COP1: variants seen among roughly 807,000 people sequenced by gnomAD.
The protein encoded by COP1 is COP1 E3 ubiquitin ligase.
In COP1, 24 loss-of-function variants were observed where a neutral mutation model predicts 101.3. That is an observed-to-expected ratio of 0.24 (90% CI 0.17 to 0.33). The LOEUF is 0.33. Among genes scored for constraint, COP1 ranks in the 10% least tolerant of loss-of-function variants. COP1 has a pLI of 1.00. For synonymous variants in COP1, 347 were observed against 341.9 expected, an observed-to-expected ratio of 1.01 and a Z score of -0.17; for missense variants, 663 against 906.2, an observed-to-expected ratio of 0.73 and a Z score of 3.45.
chr1:176,114,580 T>C (rs1339944189), intron 9 of COP1, among the ~76,000 whole-genome samples: 1 of 145,566 alleles, frequency 6.9e-6, no homozygotes, highest in Non-Finnish European at 1.5e-5. Context: ...GGGTAATTCT[T>C]TTTTTTGCGG....
intron 9 of COP1, among the ~76,000 whole-genome samples, chr1:176,095,773 G>C (rs1017040307): frequency 6.6e-6 from 1 of 151,932 alleles, no homozygotes; most frequent in African/African-American, 2.4e-5. Context: ...TAAGACTGCT[G>C]GTCTCTTAGC....
Position 176,170,475 on chromosome 1 carries a change from G to C in COP1, c.565+5435C>G, listed in dbSNP as rs139440924. 2.6e-3 allele frequency among the ~76,000 whole-genome samples: 401 copies of C among 152,310 alleles called. 3 individuals are homozygous for C. Among genetic ancestry groups the C allele is most frequent in the African/African-American group, 9.2e-3 (382 of 41,582 alleles). On this transcript the variant is annotated intron_variant, in intron 3 of 19. Coordinates refer to ENST00000367669, the MANE Select transcript of COP1 (RefSeq NM_022457.7). ...CAACCTTACTCTCCTTTGTACATCTGTATCAGAGCTCTTGGGTGACCAGGT... is the reference window on the plus strand; with the variant it reads ...CAACCTTACTCTCCTTTGTACATCTCTATCAGAGCTCTTGGGTGACCAGGT...
At chr1:175,947,369 A>C in intron 18 of COP1, 130 bp from the exon 19 acceptor site, 1 of 643,678 alleles carries the variant, frequency 1.6e-6, no homozygotes, top group African/African-American at 1.9e-5. Flanking sequence ...ATGAAGATAC[A>C]ATTTTTTTTT....
intron 18 of COP1, among the ~76,000 whole-genome samples, chr1:175,977,036 TG>T (rs11292078): frequency 2.5e-5 from 2 of 80,312 alleles, no homozygotes; most frequent in African/African-American, 6.4e-5. Flanking sequence ...AAGATATGTT[TG>T]GTGAGTCATG....
chr1:176,043,053 G>C, intron 14 of COP1, 133 bp downstream of exon 14: 1 of 640,630 alleles, frequency 1.6e-6, no homozygotes, highest in Non-Finnish European at 2.8e-6. Context: ...AACAACATGG[G>C]GAATAATAAT....
At chr1:176,068,670 G>T (rs1257321612) in intron 11 of COP1, among the ~76,000 whole-genome samples, 4 of 152,096 alleles carry the variant, frequency 2.6e-5, no homozygotes, top group Non-Finnish European at 5.9e-5. Context: ...TTGAATGAAT[G>T]AACTTTATTC....
At chr1:175,974,922 C>CA (rs34306335) in intron 18 of COP1, among the ~76,000 whole-genome samples, 3,368 of 91,174 alleles carry the variant, frequency 0.037, 154 homozygotes, top group African/African-American at 0.12. Context: ...GACCCTGTCT[C>CA]AAAAAAAAAA....
In COP1 at chr1:176,117,750, C is replaced by T. The variant is rs116059589; in HGVS notation, c.969-1069G>A. On this transcript the variant is annotated intron_variant, in intron 8 of 19. Transcript: ENST00000367669. Reference sequence around the variant, plus strand: ...TCTCTACTAAAAGTAAAAAAATTAGCTGGGTGTGATGGCAAGCTCCTGTAA... The same window carrying T: ...TCTCTACTAAAAGTAAAAAAATTAGTTGGGTGTGATGGCAAGCTCCTGTAA... Among the ~76,000 whole-genome samples, 963 of 152,174 alleles carry T rather than the reference C, an allele frequency of 6.3e-3. 12 individuals are homozygous for T. The highest frequency in any genetic ancestry group is 8.7e-3 in the Admixed American group (133 of 15,276).
chr1:176,174,094 TCTCA>T (rs1463190575), intron 3 of COP1, among the ~76,000 whole-genome samples: 3 of 142,684 alleles, frequency 2.1e-5, no homozygotes, highest in South Asian at 2.4e-4. Flanking sequence ...TATAACTCTC[TCTCA>T]CTATTTAGAA....
intron 15 of COP1, among the ~76,000 whole-genome samples, chr1:175,990,810 T>C (rs949227856): frequency 3.3e-5 from 5 of 152,134 alleles, no homozygotes; most frequent in Non-Finnish European, 5.9e-5. Flanking sequence ...TGACTACTAC[T>C]TACATGGTAT....
intron 9 of COP1, among the ~76,000 whole-genome samples, chr1:176,100,746 T>C (rs1683264648): frequency 1.3e-5 from 2 of 152,168 alleles, no homozygotes; most frequent in Non-Finnish European, 2.9e-5. Flanking sequence ...GGCATAACTA[T>C]ATCCACCAGT....
At chr1:176,010,218 A>G (rs1408740546) in intron 15 of COP1, among the ~76,000 whole-genome samples, 2 of 152,184 alleles carry the variant, frequency 1.3e-5, no homozygotes, top group Non-Finnish European at 2.9e-5. Flanking sequence ...AGTTTCAAAC[A>G]TCAGGATATT....
chr1:176,034,587 C>T (rs1669170746), intron 14 of COP1, among the ~76,000 whole-genome samples: 1 of 152,062 alleles, frequency 6.6e-6, no homozygotes, highest in African/African-American at 2.4e-5. Context: ...GACAAAGTAT[C>T]AGTAAAAGGG....
intron 3 of COP1, among the ~76,000 whole-genome samples, chr1:176,174,580 AGAGT>A (rs1696644358): frequency 6.6e-6 from 1 of 152,168 alleles, no homozygotes; most frequent in Non-Finnish European, 1.5e-5. Flanking sequence ...ATTACAGTGA[AGAGT>A]AACAGAGAAA....
chr1:176,107,975 G>C (rs762471859), intron 9 of COP1, among the ~76,000 whole-genome samples: 12 of 150,470 alleles, frequency 8.0e-5, no homozygotes, highest in Non-Finnish European at 1.8e-4. Flanking sequence ...ATTTAGAGGA[G>C]ATTAAAGAGA....
chr1:176,084,107 G>A (rs1679681363), intron 10 of COP1, among the ~76,000 whole-genome samples: 1 of 151,902 alleles, frequency 6.6e-6, no homozygotes, highest in South Asian at 2.1e-4. Context: ...TTTTTTTAAA[G>A]GTCTGCCACT....
chr1:175,981,506 T>C (rs1235195066), intron 18 of COP1, among the ~76,000 whole-genome samples: 3 of 152,132 alleles, frequency 2.0e-5, no homozygotes, highest in Admixed American at 6.5e-5. Context: ...TCTCACACCA[T>C]ATACAACACT....
chr1:176,001,597 G>A (rs1296037856), intron 15 of COP1, among the ~76,000 whole-genome samples: 1 of 152,052 alleles, frequency 6.6e-6, no homozygotes, highest in Non-Finnish European at 1.5e-5. Context: ...TATTCTCAGG[G>A]CAAATGAGTA....
At chr1:176,206,471 G>C (rs957350283) in intron 1 of COP1, 101 bp downstream of exon 1, 11 of 1,384,702 alleles carry the variant, frequency 7.9e-6, no homozygotes, top group Admixed American at 5.8e-5. Context: ...AGTATCCCAA[G>C]CTCTCCAACA....
Sources: allele counts gnomAD v4.1 joint callset (sites outside exome capture counted in the v4.1 genomes callset), GRCh38; gene constraint gnomAD v4.1.1; transcripts MANE v1.5; gene names NCBI Gene and HGNC (gene_info 2026-07-23, HGNC 2026-07-21).